ACER2: variants seen among roughly 807,000 people sequenced by gnomAD.
ACER2 encodes the protein alkCDase 2.
In ACER2, 26 loss-of-function variants were observed where a neutral mutation model predicts 34.7. The ratio of observed to expected loss-of-function variants is 0.75; its 90% CI spans 0.55 to 1.04. The LOEUF (loss-of-function observed/expected upper bound fraction) is 1.04, where lower values mean the gene tolerates loss of function less well. Ranked by LOEUF, ACER2 falls within the 50% of genes least tolerant of loss-of-function variation. The pLI is 0.00. For synonymous variants in ACER2, 138 were observed against 132.1 expected (o/e 1.04, Z -0.31); for missense variants, 352 against 340.8 (o/e 1.03, Z -0.26).
At chr9:19,432,603 A>G (rs913546028) in intron 3 of ACER2, among the ~76,000 whole-genome samples, 1 of 148,548 alleles carries the variant, frequency 6.7e-6, no homozygotes, top group Non-Finnish European at 1.5e-5. Context: ...ATTAAATATA[A>G]TTTTTATTTA....
chr9:19,421,345 A>G (rs1017416407), intron 1 of ACER2, among the ~76,000 whole-genome samples: 2 of 152,224 alleles, frequency 1.3e-5, no homozygotes, highest in Non-Finnish European at 2.9e-5. Context: ...CCCAGCAACA[A>G]TTAATGTATG....
intron 1 of ACER2, among the ~76,000 whole-genome samples, chr9:19,422,685 A>G (rs1830440851): frequency 6.8e-6 from 1 of 147,506 alleles, no homozygotes; most frequent in Admixed American, 6.7e-5. Flanking sequence ...TTACGCCTTC[A>G]TTAAACTTTT....
At chr9:19,429,141 T>A (rs1002385294) in intron 3 of ACER2, among the ~76,000 whole-genome samples, 1 of 152,082 alleles carries the variant, frequency 6.6e-6, no homozygotes, top group Non-Finnish European at 1.5e-5. Flanking sequence ...GGGAAATTAT[T>A]AATGTTCATT....
At chr9:19,438,616 C>T (rs779757604) in intron 4 of ACER2, among the ~76,000 whole-genome samples, 3 of 152,066 alleles carry the variant, frequency 2.0e-5, no homozygotes, top group Non-Finnish European at 4.4e-5. Flanking sequence ...AGCATGCAGT[C>T]CAGTGATGCT....
intron 1 of ACER2, among the ~76,000 whole-genome samples, chr9:19,410,770 T>C (rs1201569859): frequency 6.6e-6 from 1 of 152,190 alleles, no homozygotes; most frequent in Non-Finnish European, 1.5e-5. Flanking sequence ...ACTTATGTAT[T>C]GCATAACCTC....
intron 5 of ACER2, among the ~76,000 whole-genome samples, chr9:19,449,425 G>C (rs1831485478): frequency 6.6e-6 from 1 of 152,044 alleles, no homozygotes; most frequent in African/African-American, 2.4e-5. Context: ...AATATTCCCT[G>C]CCCCCCTGCA....
intron 1 of ACER2, among the ~76,000 whole-genome samples, chr9:19,413,862 A>G (rs1830161115): frequency 6.6e-6 from 1 of 152,184 alleles, no homozygotes; most frequent in Non-Finnish European, 1.5e-5. Context: ...TTATATGCCA[A>G]GTCCTAAGTC....
chr9:19,438,319 CTA>C (rs1831037389), intron 4 of ACER2, among the ~76,000 whole-genome samples: 2 of 152,320 alleles, frequency 1.3e-5, no homozygotes, highest in East Asian at 3.9e-4. Flanking sequence ...TTCCTTGCCA[CTA>C]TGTTTCAGCA....
intron 5 of ACER2, among the ~76,000 whole-genome samples, chr9:19,448,545 T>A (rs888989497): frequency 2.0e-5 from 3 of 152,296 alleles, no homozygotes; most frequent in African/African-American, 7.2e-5. Flanking sequence ...CTAGATTGAT[T>A]TGAGTTTCTG....
intron 1 of ACER2, among the ~76,000 whole-genome samples, chr9:19,415,471 G>C (rs1830214245): frequency 6.6e-6 from 1 of 150,988 alleles, no homozygotes; most frequent in Non-Finnish European, 1.5e-5. Context: ...CTCTAGCCTG[G>C]GTGACAGAGT....
chr9:19,444,165 A>C (rs1296673498), intron 4 of ACER2, among the ~76,000 whole-genome samples: 3 of 150,408 alleles, frequency 2.0e-5, no homozygotes, highest in African/African-American at 7.3e-5. Flanking sequence ...AAAAAAAAAA[A>C]AAAGAAAAGA....
chr9:19,450,164 GTCT>G (rs1243944859), intron 5 of ACER2: 1 of 979,858 alleles, frequency 1.0e-6, no homozygotes, highest in Non-Finnish European at 1.2e-6. Context: ...TTGGGCCTCA[GTCT>G]TCTTGTTTGA....
At chr9:19,446,243 A>C in intron 4 of ACER2, 38 bp from the exon 5 acceptor site, 1 of 1,614,096 alleles carries the variant, frequency 6.2e-7, no homozygotes, top group Non-Finnish European at 8.5e-7. Flanking sequence ...GGTGGAGACA[A>C]GGTCTGACGA....
At position 19,423,851 on chromosome 9, in the gene ACER2, T is replaced by C; in HGVS notation, c.109-11T>C. 6.2e-7 allele frequency: 1 copy of C among 1,606,138 alleles called. No individual in the cohort carries two copies. The highest frequency in any genetic ancestry group is 8.5e-7 in the Non-Finnish European group (1 of 1,173,018). On this transcript the variant is annotated splice_polypyrimidine_tract_variant and intron_variant, in intron 1 of 5. Coordinates refer to ENST00000340967, the MANE Select transcript of ACER2 (RefSeq NM_001010887.3). ...ATACTCATCTTTCTGTTTTACATTTTTTTCCTGCAGATCAGCAATGTCTTA... is the reference window on the plus strand; with the variant it reads ...ATACTCATCTTTCTGTTTTACATTTCTTTCCTGCAGATCAGCAATGTCTTA...
intron 5 of ACER2, chr9:19,446,695 A>G (rs1445469270): frequency 5.3e-6 from 5 of 944,720 alleles, no homozygotes; most frequent in Non-Finnish European, 6.3e-6. Context: ...AGCCTAAAGG[A>G]GCTTGAGAAC....
intron 1 of ACER2, among the ~76,000 whole-genome samples, chr9:19,421,826 C>T (rs1830416141): frequency 6.6e-6 from 1 of 151,788 alleles, no homozygotes; most frequent in Non-Finnish European, 1.5e-5. Context: ...CCAAAATCAA[C>T]CAAACAAAAA....
intron 1 of ACER2, among the ~76,000 whole-genome samples, chr9:19,421,013 T>C (rs1194087832): frequency 6.6e-6 from 1 of 152,208 alleles, no homozygotes; most frequent in East Asian, 1.9e-4. Context: ...ATCTAGATGG[T>C]ATAGCTTTGT....
At chr9:19,422,731 C>A (rs1160283785) in intron 1 of ACER2, among the ~76,000 whole-genome samples, 1 of 150,350 alleles carries the variant, frequency 6.7e-6, no homozygotes, top group Admixed American at 6.6e-5. Flanking sequence ...CAGACCTTAT[C>A]TTTAAAAACA....
intron 3 of ACER2, among the ~76,000 whole-genome samples, chr9:19,425,405 A>G (rs981720735): frequency 6.6e-6 from 1 of 152,204 alleles, no homozygotes; most frequent in African/African-American, 2.4e-5. Context: ...TCAGGAAGGG[A>G]TGCATTTTAA....
Sources: gnomAD v4.1 joint callset for allele counts (sites outside exome capture counted in the v4.1 genomes callset) on GRCh38, gnomAD v4.1.1 for gene constraint, MANE v1.5 for transcripts, NCBI Gene and HGNC (gene_info 2026-07-23, HGNC 2026-07-21) for gene names.